The following ZC3H11A variants were observed in gnomAD, a reference collection of about 807,000 sequenced individuals.
The protein encoded by ZC3H11A is zinc finger CCCH domain-containing protein 11A.
ZC3H11A carries 22 observed loss-of-function variants against 90.8 expected under a neutral mutation model. The observed-to-expected ratio is 0.24, with a 90% CI of 0.17 to 0.35. ZC3H11A has a LOEUF of 0.35. ZC3H11A is among the 10% of genes least tolerant of loss of function. The pLI is 1.00. For synonymous variants in ZC3H11A, 294 were observed against 339.8 expected, an observed-to-expected ratio of 0.87 and a Z score of 1.48; for missense variants, 701 against 964.9, an observed-to-expected ratio of 0.73 and a Z score of 3.62.
intron 2 of ZC3H11A, among the ~76,000 whole-genome samples, chr1:203,813,327 C>G (rs11801064): frequency 0.18 from 26,628 of 152,076 alleles, 2,441 homozygotes; most frequent in Middle Eastern, 0.25. Context: ...TTGCCTCAGC[C>G]TCCTCAGTAG....
At chr1:203,849,148 G>A (rs1688678931) in intron 14 of ZC3H11A, among the ~76,000 whole-genome samples, 1 of 152,206 alleles carries the variant, frequency 6.6e-6, no homozygotes, top group African/African-American at 2.4e-5. Context: ...GCCTCCCAAC[G>A]TGTTGGGATT....
At chr1:203,813,606 G>A (rs1675244275) in intron 2 of ZC3H11A, among the ~76,000 whole-genome samples, 1 of 152,098 alleles carries the variant, frequency 6.6e-6, no homozygotes, top group South Asian at 2.1e-4. Flanking sequence ...CCATAACAAA[G>A]TATCACAAAC....
intron 2 of ZC3H11A, among the ~76,000 whole-genome samples, chr1:203,813,798 G>A (rs996965998): frequency 2.5e-4 from 38 of 152,128 alleles, no homozygotes; most frequent in African/African-American, 9.2e-4. Flanking sequence ...CAGCCACATG[G>A]TCATCTTCTC....
chr1:203,798,501 G>A, intron 1 of ZC3H11A: 1 of 1,536,128 alleles, frequency 6.5e-7, no homozygotes, highest in Non-Finnish European at 8.7e-7. Context: ...AGACAGTGGT[G>A]CTGTTGCAAA....
chr1:203,803,832 C>A (rs1415003378), intron 2 of ZC3H11A, among the ~76,000 whole-genome samples: 2 of 152,094 alleles, frequency 1.3e-5, no homozygotes, highest in Non-Finnish European at 2.9e-5. Context: ...TTCTCAAACT[C>A]CTGGGTTCAA....
At chr1:203,809,877 C>T (rs1250574417) in intron 2 of ZC3H11A, among the ~76,000 whole-genome samples, 2 of 152,110 alleles carry the variant, frequency 1.3e-5, no homozygotes, top group Non-Finnish European at 2.9e-5. Flanking sequence ...TTGCTTGAAC[C>T]CAGGAGGTGG....
chr1:203,797,964 C>T lies in ZC3H11A; in HGVS notation c.-1588+2170C>T, dbSNP rs1365267770. On this transcript the variant is annotated intron_variant, in intron 1 of 17. Coordinates refer to ENST00000367210, the MANE Select transcript of ZC3H11A (RefSeq NM_001376342.1). ...TCATGTTGACCCCCAGTACACCTGGCGGGCCATTTGTAACCTCTGTGAGAA... is the reference window on the plus strand; with the variant it reads ...TCATGTTGACCCCCAGTACACCTGGTGGGCCATTTGTAACCTCTGTGAGAA... The T allele has an allele frequency of 3.9e-6, 6 of 1,535,444 alleles. No homozygotes were observed. Among genetic ancestry groups the T allele is most frequent in the Admixed American group, 2.0e-5 (1 of 50,992 alleles).
chr1:203,821,977 T>G (rs1231896337), intron 4 of ZC3H11A, among the ~76,000 whole-genome samples: 1 of 152,138 alleles, frequency 6.6e-6, no homozygotes, highest in Non-Finnish European at 1.5e-5. Flanking sequence ...CAGGATGGTC[T>G]CGATCTGCTG....
chr1:203,814,628 T>C (rs989739753), intron 2 of ZC3H11A, among the ~76,000 whole-genome samples: 1 of 152,222 alleles, frequency 6.6e-6, no homozygotes, highest in Non-Finnish European at 1.5e-5. Flanking sequence ...AACGTTCATA[T>C]GCTTTAGCAG....
At chr1:203,824,591 AGT>A (rs1679874524) in intron 4 of ZC3H11A, among the ~76,000 whole-genome samples, 1 of 152,216 alleles carries the variant, frequency 6.6e-6, no homozygotes, top group Non-Finnish European at 1.5e-5. Context: ...TCACAAATTG[AGT>A]CACATTTCCA....
intron 4 of ZC3H11A, among the ~76,000 whole-genome samples, chr1:203,825,523 C>T (rs887429310): frequency 4.0e-5 from 6 of 150,658 alleles, no homozygotes; most frequent in Non-Finnish European, 7.4e-5. Flanking sequence ...AAACTTCCAC[C>T]TCCCGGGTTC....
chr1:203,848,081 C>T (rs1172191582), intron 13 of ZC3H11A, among the ~76,000 whole-genome samples: 1 of 152,128 alleles, frequency 6.6e-6, no homozygotes, highest in East Asian at 1.9e-4. Context: ...GTCTCAAACT[C>T]CTCACCTCAA....
At chr1:203,820,482 G>GTGTGTGTGTGTGTT (rs1266406820) in intron 4 of ZC3H11A, among the ~76,000 whole-genome samples, 1 of 151,852 alleles carries the variant, frequency 6.6e-6, no homozygotes, top group Admixed American at 6.6e-5. Context: ...GTGTGTGTGT[G>GTGTGTGTGTGTGTT]TATATTTTGA....
intron 4 of ZC3H11A, among the ~76,000 whole-genome samples, chr1:203,826,286 A>C (rs889622176): frequency 6.6e-6 from 1 of 151,934 alleles, no homozygotes; most frequent in African/African-American, 2.4e-5. Flanking sequence ...CTCTATAGGT[A>C]GTGTGCCCAC....
intron 12 of ZC3H11A, among the ~76,000 whole-genome samples, chr1:203,842,307 A>G (rs1471754179): frequency 1.3e-5 from 2 of 152,190 alleles, no homozygotes; most frequent in Non-Finnish European, 2.9e-5. Flanking sequence ...AGCCTGGGCA[A>G]CATTGAGCAC....
chr1:203,818,461 CCTTT>C, intron 3 of ZC3H11A, 105 bp from the exon 4 acceptor site: 5 of 1,432,528 alleles, frequency 3.5e-6, no homozygotes, highest in Non-Finnish European at 4.8e-6. Context: ...CCTTACCAGT[CCTTT>C]CTTACTCATT....
chr1:203,839,344 G>A (rs754294733), intron 11 of ZC3H11A, among the ~76,000 whole-genome samples: 2 of 152,118 alleles, frequency 1.3e-5, no homozygotes, highest in African/African-American at 2.4e-5. Flanking sequence ...GCCCCTCAGG[G>A]AATTAGAATT....
chr1:203,837,252 C>T (rs1383943212), intron 10 of ZC3H11A, among the ~76,000 whole-genome samples: 1 of 148,978 alleles, frequency 6.7e-6, no homozygotes, highest in East Asian at 2.0e-4. Flanking sequence ...GATTGCACCA[C>T]TGCACTCCAG....
At chr1:203,799,700 CAG>C in intron 1 of ZC3H11A, 1 of 716,346 alleles carries the variant, frequency 1.4e-6, no homozygotes, top group Non-Finnish European at 2.5e-6. Flanking sequence ...TGCAGAAACT[CAG>C]AGAAGATTTT....
Sources: gnomAD v4.1 joint callset for allele counts (sites outside exome capture counted in the v4.1 genomes callset) on GRCh38, gnomAD v4.1.1 for gene constraint, MANE v1.5 for transcripts, NCBI Gene and HGNC (gene_info 2026-07-23, HGNC 2026-07-21) for gene names.